MAP3K9: variants seen among roughly 807,000 people sequenced by gnomAD.
The protein encoded by MAP3K9 is mitogen-activated protein kinase kinase kinase 9.
MAP3K9 carries 46 observed loss-of-function variants against 95.8 expected under a neutral mutation model. The observed-to-expected ratio is 0.48, with a 90% CI of 0.38 to 0.61. The LOEUF (loss-of-function observed/expected upper bound fraction) is 0.61, where lower values mean the gene tolerates loss of function less well. Among genes scored for constraint, MAP3K9 ranks in the 20% least tolerant of loss-of-function variants. The pLI is 0.00. For missense variants in MAP3K9, 1,296 were observed against 1,474.3 expected, an observed-to-expected ratio of 0.88 and a Z score of 1.98; for synonymous variants, 533 against 593.8, an observed-to-expected ratio of 0.90 and a Z score of 1.49.
chr14:70,735,917 A>G lies in MAP3K9; in HGVS notation c.1913+44T>C, dbSNP rs952005893. ...GTAAGAACAAGGAAATGGAAGGGAGATTGTTACCAGGACAGCTGGTGAAAG... is the reference window on the plus strand; with the variant it reads ...GTAAGAACAAGGAAATGGAAGGGAGGTTGTTACCAGGACAGCTGGTGAAAG... On this transcript the variant is annotated intron_variant, in intron 9 of 11. Coordinates refer to ENST00000554752, the MANE Select transcript of MAP3K9 (RefSeq NM_001284230.2). The G allele has an allele frequency of 5.8e-6, 8 of 1,383,658 alleles. No homozygotes were observed. In the South Asian group the frequency reaches 8.1e-5, roughly 14 times the overall value. The allele number at this position is 1,383,658 out of a possible 1,614,324, so 85.7% of individuals were successfully genotyped here. A position where few individuals can be genotyped will look rare whatever the true frequency, so the allele number is the denominator to read the frequency against.
At chr14:70,763,797 G>C (rs2054407274) in intron 2 of MAP3K9, among the ~76,000 whole-genome samples, 1 of 152,066 alleles carries the variant, frequency 6.6e-6, no homozygotes, top group Non-Finnish European at 1.5e-5. Flanking sequence ...CTCCCAAAGT[G>C]TTGGGATTAC....
intron 2 of MAP3K9, 45 bp downstream of exon 2, chr14:70,800,622 C>A (rs779391056): frequency 6.3e-7 from 1 of 1,578,850 alleles, no homozygotes; most frequent in East Asian, 2.2e-5. Flanking sequence ...TGGGATACAA[C>A]TGCAACTGCT....
At chr14:70,760,590 T>C (rs2054359416) in intron 3 of MAP3K9, among the ~76,000 whole-genome samples, 1 of 152,122 alleles carries the variant, frequency 6.6e-6, no homozygotes, top group South Asian at 2.1e-4. Flanking sequence ...GTGAGGACAT[T>C]GGGTTAATCC....
chr14:70,731,784 AAT>A (rs1372762557), intron 11 of MAP3K9, among the ~76,000 whole-genome samples: 1 of 152,358 alleles, frequency 6.6e-6, no homozygotes, highest in East Asian at 1.9e-4. Flanking sequence ...CAAACAGTTA[AAT>A]ACAACTGTTG....
At chr14:70,778,585 T>C (rs1393674809) in intron 2 of MAP3K9, among the ~76,000 whole-genome samples, 1 of 152,156 alleles carries the variant, frequency 6.6e-6, no homozygotes, top group African/African-American at 2.4e-5. Flanking sequence ...CAAACTTCTC[T>C]CATTCTGGCC....
intron 2 of MAP3K9, among the ~76,000 whole-genome samples, chr14:70,780,844 T>C (rs916268438): frequency 2.0e-5 from 3 of 152,096 alleles, no homozygotes; most frequent in African/African-American, 7.2e-5. Context: ...CAGATAAAAA[T>C]AACCAAAAAA....
chr14:70,780,218 C>A (rs1397287526), intron 2 of MAP3K9, among the ~76,000 whole-genome samples: 1 of 152,212 alleles, frequency 6.6e-6, no homozygotes. Context: ...CACATCCATG[C>A]CTGCCGCATG....
rs1490552185 is a variant in MAP3K9 at position 70,722,618 on chromosome 14, T to C, written c.*7762A>G. 1 of 151,488 alleles carries C rather than the reference T, an allele frequency of 6.6e-6. No homozygotes were observed. The highest frequency in any genetic ancestry group is 1.5e-5 in the Non-Finnish European group (1 of 67,946). The allele number at this position is 151,488 out of a possible 1,614,324, so 9.4% of individuals were successfully genotyped here. A position where few individuals can be genotyped will look rare whatever the true frequency, so the allele number is the denominator to read the frequency against. Reference sequence around the variant, plus strand: ...TTACACTGTAATACAATAAGAGGTTTAGCCATTGAACCAAGCCTGCTTGGC... The same window carrying C: ...TTACACTGTAATACAATAAGAGGTTCAGCCATTGAACCAAGCCTGCTTGGC... On this transcript the variant is annotated 3_prime_UTR_variant, in exon 12 of 12. Coordinates refer to ENST00000554752, the MANE Select transcript of MAP3K9 (RefSeq NM_001284230.2).
At chr14:70,747,346 C>T (rs1231313328) in intron 5 of MAP3K9, among the ~76,000 whole-genome samples, 1 of 152,170 alleles carries the variant, frequency 6.6e-6, no homozygotes. Flanking sequence ...AGGGGCTTCT[C>T]CCTTTGCTGG....
chr14:70,753,847 T>C (rs2054263354), intron 3 of MAP3K9, among the ~76,000 whole-genome samples: 1 of 152,188 alleles, frequency 6.6e-6, no homozygotes, highest in South Asian at 2.1e-4. Flanking sequence ...TTTGATTTTT[T>C]TTTCAAAGTG....
chr14:70,806,956 A>T (rs980854097), intron 1 of MAP3K9, among the ~76,000 whole-genome samples: 1 of 152,242 alleles, frequency 6.6e-6, no homozygotes, highest in African/African-American at 2.4e-5. Context: ...GCTTAGCCTT[A>T]AGGCTACCAA....
At position 70,730,659 on chromosome 14, in the gene MAP3K9, G is replaced by C. The variant is rs141823831; in HGVS notation, c.3036C>G (p.Pro1012=). ...CTGGGGAGGTGCTGCGGGCATGGCTGGGGGACACAAACCACCAAGGGTCCA... is the reference window on the plus strand; with the variant it reads ...CTGGGGAGGTGCTGCGGGCATGGCTCGGGGACACAAACCACCAAGGGTCCA... ...QRLDPWWFVS[P]SHARSTSPAN... is the part of the protein sequence containing the mutation. The change falls in exon 12 of 12, where the codon CCC becomes CCG. Residue 1012 remains proline (P), a synonymous_variant. Coordinates refer to ENST00000554752, the MANE Select transcript of MAP3K9 (RefSeq NM_001284230.2). 1.2e-6 allele frequency: 2 copies of C among 1,613,588 alleles called. No individual in the cohort carries two copies. Among genetic ancestry groups the C allele is most frequent in the Non-Finnish European group, 1.7e-6 (2 of 1,180,038 alleles).
In MAP3K9 at chr14:70,808,885, G is replaced by A. The variant is rs747386773; in HGVS notation, c.287C>T (p.Thr96Ile). ...GCCCACCCGCTGGTTCAGCTGCCCG[G>A]TCCACCAGCCCTCGTCGCCGGACAC... ...SQVSGDEGWW[T>I]GQLNQRVGIF... The change falls in exon 1 of 12, where the codon ACC (threonine) becomes ATC (isoleucine). Residue 96 changes from threonine (T) to isoleucine (I), a missense_variant. Thr to Ile is a moderately conservative substitution (Grantham distance 89, BLOSUM62 -1). Coordinates refer to ENST00000554752, the MANE Select transcript of MAP3K9 (RefSeq NM_001284230.2). 3.7e-5 allele frequency: 59 copies of A among 1,598,938 alleles called. No homozygotes were observed. The highest frequency in any genetic ancestry group is 1.7e-4 in the Middle Eastern group (1 of 5,992).
intron 2 of MAP3K9, among the ~76,000 whole-genome samples, chr14:70,795,150 C>A (rs1311962225): frequency 6.6e-6 from 1 of 151,614 alleles, no homozygotes; most frequent in Non-Finnish European, 1.5e-5. Context: ...CATGCCACCA[C>A]GTTCGGCTAT....
At chr14:70,783,028 G>A (rs2054701452) in intron 2 of MAP3K9, among the ~76,000 whole-genome samples, 1 of 152,186 alleles carries the variant, frequency 6.6e-6, no homozygotes, top group African/African-American at 2.4e-5. Flanking sequence ...GAATGCCCAT[G>A]TAAGGAAAAG....
chr14:70,778,946 G>A (rs2054637042), intron 2 of MAP3K9, among the ~76,000 whole-genome samples: 1 of 152,192 alleles, frequency 6.6e-6, no homozygotes, highest in Admixed American at 6.5e-5. Context: ...AGAGGAAGGG[G>A]CTCCTTAGAA....
intron 1 of MAP3K9, among the ~76,000 whole-genome samples, chr14:70,801,284 A>G (rs1227020264): frequency 6.6e-6 from 1 of 152,166 alleles, no homozygotes. Context: ...CAGTCACCAC[A>G]TGGTAGGCAT....
At chr14:70,798,671 G>A (rs1382622689) in intron 2 of MAP3K9, among the ~76,000 whole-genome samples, 1 of 151,166 alleles carries the variant, frequency 6.6e-6, no homozygotes, top group African/African-American at 2.4e-5. Flanking sequence ...GTAGAGACGG[G>A]GTTTCACCGT....
At chr14:70,760,613 C>A (rs893246618) in intron 3 of MAP3K9, among the ~76,000 whole-genome samples, 24 of 152,148 alleles carry the variant, frequency 1.6e-4, no homozygotes, top group Non-Finnish European at 5.9e-5. Context: ...TCCCCAAGTT[C>A]AGCAGTAACA....
Sources: allele counts gnomAD v4.1 joint callset (sites outside exome capture counted in the v4.1 genomes callset), GRCh38; gene constraint gnomAD v4.1.1; transcripts MANE v1.5; gene names NCBI Gene and HGNC (gene_info 2026-07-23, HGNC 2026-07-21).